Variants in VPS13A observed in about 807,000 individuals in gnomAD.
VPS13A encodes intermembrane lipid transfer protein VPS13A.
A neutral mutation model predicts 390.9 loss-of-function variants in VPS13A; 264 were observed. The observed-to-expected ratio is 0.68, with a 90% CI of 0.61 to 0.75. VPS13A has a LOEUF of 0.75. Among genes scored for constraint, VPS13A ranks in the 30% least tolerant of loss-of-function variants. The pLI, the probability that VPS13A is intolerant of heterozygous loss-of-function variation, is 0.00. For synonymous variants in VPS13A, 1,231 were observed against 1,227.1 expected (o/e 1.00, Z -0.07); for missense variants, 3,409 against 3,733.9 (o/e 0.91, Z 2.27).
intron 22 of VPS13A, among the ~76,000 whole-genome samples, chr9:77,257,800 A>T (rs905693726): frequency 1.3e-5 from 2 of 152,290 alleles, no homozygotes; most frequent in Admixed American, 6.5e-5. Context: ...CTTCAATTGC[A>T]TGCAAAAACT....
chr9:77,306,873 T>C (rs1828780806), intron 34 of VPS13A, among the ~76,000 whole-genome samples: 1 of 151,964 alleles, frequency 6.6e-6, no homozygotes, highest in African/African-American at 2.4e-5. Context: ...GATTTGGGAC[T>C]AAATTTGTAA....
At chr9:77,294,063 A>C (rs979223304) in intron 32 of VPS13A, among the ~76,000 whole-genome samples, 1 of 151,860 alleles carries the variant, frequency 6.6e-6, no homozygotes, top group African/African-American at 2.4e-5. Context: ...ATCACCATGC[A>C]CATACCACCA....
At chr9:77,271,429 C>T (rs1826348585) in intron 23 of VPS13A, among the ~76,000 whole-genome samples, 1 of 152,052 alleles carries the variant, frequency 6.6e-6, no homozygotes, top group South Asian at 2.1e-4. Context: ...TATATACTTA[C>T]CATATGACTT....
At chr9:77,411,660 C>CAAAAAAAAAAAAAAAAAAA (rs1169254413) in intron 71 of VPS13A, among the ~76,000 whole-genome samples, 38 of 33,914 alleles carry the variant, frequency 1.1e-3, no homozygotes, top group African/African-American at 2.0e-3. Context: ...AACTCCATCT[C>CAAAAAAAAAAAAAAAAAAA]AAAAAAAAAA....
intron 70 of VPS13A, among the ~76,000 whole-genome samples, chr9:77,407,217 C>A (rs142671514): frequency 1.3e-5 from 2 of 152,138 alleles, no homozygotes. Context: ...TATTTGGAGA[C>A]GAAAAACAGT....
rs1830316752 is a variant in VPS13A at position 77,332,251 on chromosome 9, C to T, written c.6095+138C>T. ...TATTTAGGTTTCAGTGCACTTAGAT[C>T]TTAAAAAAGAAGTATTATTTAATTT... On this transcript the variant is annotated intron_variant, in intron 46 of 71. Coordinates refer to ENST00000360280, the MANE Select transcript of VPS13A (RefSeq NM_033305.3). The T allele has an allele frequency of 1.1e-5, 7 of 650,508 alleles. 1 individual carries two copies. The highest frequency in any genetic ancestry group is 9.3e-5 in the South Asian group (5 of 53,858). The allele number at this position is 650,508 out of a possible 1,614,324, so 40.3% of individuals were successfully genotyped here.
intron 10 of VPS13A, among the ~76,000 whole-genome samples, chr9:77,215,264 T>G (rs1822794980): frequency 6.6e-6 from 1 of 152,256 alleles, no homozygotes; most frequent in Non-Finnish European, 1.5e-5. Flanking sequence ...ATATCCTTCC[T>G]GAAAGTATTT....
chr9:77,191,515 T>C (rs1824685874), intron 1 of VPS13A, among the ~76,000 whole-genome samples: 1 of 152,022 alleles, frequency 6.6e-6, no homozygotes, highest in Admixed American at 6.6e-5. Flanking sequence ...GCCAGGCTGG[T>C]CTTGAACTCC....
rs747277173 is a variant in VPS13A, at chr9:77,293,447, T to C, written c.3446T>C (p.Val1149Ala). The C allele has an allele frequency of 1.2e-5, 19 of 1,607,798 alleles. No individual in the cohort carries two copies. The highest frequency in any genetic ancestry group is 4.2e-6 in the Non-Finnish European group (5 of 1,177,206). The change falls in exon 32 of 72, where the codon GTT (valine) becomes GCT (alanine). Residue 1149 changes from valine to alanine, a missense_variant. Val to Ala is a moderately conservative substitution (Grantham distance 64). This residue lies in a region of VPS13A where 2,717 missense variants were observed against 2,917.4 expected (regional missense o/e 0.93). Transcript: ENST00000360280. ...YTDMNVVDIQ[V>A]NLIVGCIEVV... Reference sequence around the variant, plus strand: ...GATATGAATGTGGTTGACATTCAGGTTAATTTAATAGTTGGTTGCATTGAA... The same window carrying C: ...GATATGAATGTGGTTGACATTCAGGCTAATTTAATAGTTGGTTGCATTGAA...
intron 33 of VPS13A, among the ~76,000 whole-genome samples, chr9:77,301,767 A>T (rs1191871806): frequency 6.6e-6 from 1 of 152,156 alleles, no homozygotes; most frequent in East Asian, 1.9e-4. Context: ...TTGGAAAGGC[A>T]AATATAGTTC....
intron 24 of VPS13A, among the ~76,000 whole-genome samples, chr9:77,273,721 G>T (rs1004113413): frequency 1.3e-5 from 2 of 152,310 alleles, no homozygotes; most frequent in South Asian, 4.1e-4. Context: ...ACCAGAAAAA[G>T]TATGGTACAC....
intron 23 of VPS13A, among the ~76,000 whole-genome samples, chr9:77,267,158 TTTCTGTCAA>T (rs1338093557): frequency 6.6e-6 from 1 of 152,112 alleles, no homozygotes; most frequent in Non-Finnish European, 1.5e-5. Flanking sequence ...CTGAAGCCTG[TTTCTGTCAA>T]TTCTGCAAAC....
At chr9:77,336,210 A>G (rs1456058342) in intron 46 of VPS13A, among the ~76,000 whole-genome samples, 1 of 152,048 alleles carries the variant, frequency 6.6e-6, no homozygotes, top group African/African-American at 2.4e-5. Flanking sequence ...TTGTGGGGTG[A>G]GGCGCTAGGG....
chr9:77,389,429 C>G (rs1833818306), intron 68 of VPS13A, among the ~76,000 whole-genome samples: 1 of 151,914 alleles, frequency 6.6e-6, no homozygotes, highest in Admixed American at 6.6e-5. Context: ...CTCCACCCTC[C>G]CAAGTAGCTG....
chr9:77,246,313 T>A (rs1824804775), intron 19 of VPS13A, among the ~76,000 whole-genome samples: 1 of 152,258 alleles, frequency 6.6e-6, no homozygotes, highest in Non-Finnish European at 1.5e-5. Flanking sequence ...TTGCTCAATG[T>A]CTGCTTTTAA....
intron 5 of VPS13A, among the ~76,000 whole-genome samples, chr9:77,209,021 C>T (rs1487833664): frequency 1.3e-5 from 2 of 152,150 alleles, no homozygotes; most frequent in African/African-American, 4.8e-5. Flanking sequence ...AACTGTTTTA[C>T]ACATCTATAC....
chr9:77,237,874 A>G (rs983424178), intron 17 of VPS13A, 128 bp from the exon 18 acceptor site: 1 of 670,122 alleles, frequency 1.5e-6, no homozygotes, highest in African/African-American at 1.8e-5. Context: ...GTCTTCTTTG[A>G]TGGGAATGGA....
chr9:77,240,967 T>A (rs918372489), intron 19 of VPS13A, among the ~76,000 whole-genome samples: 1 of 152,298 alleles, frequency 6.6e-6, no homozygotes, highest in East Asian at 1.9e-4. Flanking sequence ...TTTTTATCTT[T>A]TGTATTCTGT....
intron 47 of VPS13A, chr9:77,338,501 A>G (rs1002706695): frequency 1.3e-5 from 2 of 152,158 alleles, no homozygotes; most frequent in African/African-American, 4.8e-5. Context: ...TAAAATGAGA[A>G]TAATAATAAA....
Sources: allele counts gnomAD v4.1 joint callset (sites outside exome capture counted in the v4.1 genomes callset), GRCh38; gene constraint gnomAD v4.1.1; regional missense constraint gnomAD v4.1.1; transcripts MANE v1.5; gene names NCBI Gene and HGNC (gene_info 2026-07-23, HGNC 2026-07-21).